Variants in GRK3 observed in about 807,000 individuals in gnomAD.
The protein encoded by GRK3 is G protein-coupled receptor kinase 3, also known as adrenergic, beta, receptor kinase 2.
GRK3 carries 54 observed loss-of-function variants against 95.7 expected under a neutral mutation model. The observed-to-expected ratio is 0.56, with a 90% CI of 0.45 to 0.71. GRK3 has a LOEUF of 0.71. GRK3 is among the 30% of genes least tolerant of loss of function. The pLI is 0.00. For synonymous variants in GRK3, 281 were observed against 290.8 expected (o/e 0.97, Z 0.34); for missense variants, 649 against 851.2 (o/e 0.76, Z 2.96).
intron 6 of GRK3, among the ~76,000 whole-genome samples, chr22:25,671,301 C>T (rs1316237099): frequency 6.6e-6 from 1 of 152,236 alleles, no homozygotes; most frequent in Non-Finnish European, 1.5e-5. Context: ...GATGGCGCCA[C>T]TGCACTTCAG....
intron 2 of GRK3, among the ~76,000 whole-genome samples, chr22:25,639,723 G>A (rs1036810659): frequency 2.0e-5 from 3 of 152,094 alleles, no homozygotes; most frequent in Non-Finnish European, 4.4e-5. Context: ...AGTTATGATT[G>A]TAATTGCACT....
chr22:25,610,796 G>T (rs984180177), intron 2 of GRK3, among the ~76,000 whole-genome samples: 1 of 152,178 alleles, frequency 6.6e-6, no homozygotes. Flanking sequence ...ATGTCGTTGT[G>T]TGTATCTGTA....
At chr22:25,589,365 C>T (rs1383794231) in intron 1 of GRK3, among the ~76,000 whole-genome samples, 1 of 152,150 alleles carries the variant, frequency 6.6e-6, no homozygotes. Context: ...TATCTGGTGT[C>T]TGGTCTTTCA....
At position 25,727,249 on chromosome 22, in the gene GRK3, T is replaced by C. The variant is rs1338330569; in HGVS notation, c.*4799T>C. On this transcript the variant is annotated 3_prime_UTR_variant, in exon 21 of 21. Transcript: ENST00000324198. ...CCTATGTAAAGTTTACTGGAGAGACTTGAATTACTTAAATTCATGTTAATA... is the reference window on the plus strand; with the variant it reads ...CCTATGTAAAGTTTACTGGAGAGACCTGAATTACTTAAATTCATGTTAATA... The C allele has an allele frequency of 6.6e-6, 1 of 152,226 alleles. No homozygotes were observed. The highest frequency in any genetic ancestry group is 2.4e-5 in the African/African-American group (1 of 41,460). 9.4% of individuals were successfully genotyped at this position (152,226 alleles called of 1,614,324 possible).
chr22:25,666,696 G>A (rs1337960170), intron 5 of GRK3, among the ~76,000 whole-genome samples: 1 of 152,002 alleles, frequency 6.6e-6, no homozygotes, highest in Admixed American at 6.6e-5. Flanking sequence ...TGTGGCTTCT[G>A]CAGACTTCCT....
intron 1 of GRK3, among the ~76,000 whole-genome samples, chr22:25,578,676 G>A (rs1216557908): frequency 6.6e-6 from 1 of 152,106 alleles, no homozygotes; most frequent in African/African-American, 2.4e-5. Flanking sequence ...CTGGCCTTTT[G>A]AGGAAGGAGG....
At chr22:25,671,402 G>T (rs984434727) in intron 6 of GRK3, among the ~76,000 whole-genome samples, 36 of 152,146 alleles carry the variant, frequency 2.4e-4, no homozygotes, top group African/African-American at 8.7e-4. Flanking sequence ...AATAAAAAAC[G>T]TAATCAAAAT....
chr22:25,577,697 A>C (rs7288085), intron 1 of GRK3, among the ~76,000 whole-genome samples: 1 of 152,214 alleles, frequency 6.6e-6, no homozygotes, highest in African/African-American at 2.4e-5. Context: ...CGTCAGCAGT[A>C]TATAGATCTG....
At chr22:25,667,935 CT>C in intron 6 of GRK3, 135 bp downstream of exon 6, 2 of 588,206 alleles carry the variant, frequency 3.4e-6, no homozygotes, top group Non-Finnish European at 6.1e-6. Context: ...ATGTGCCAGG[CT>C]TTGTGTTAAA....
intron 15 of GRK3, among the ~76,000 whole-genome samples, chr22:25,704,681 G>A (rs959913182): frequency 1.3e-5 from 2 of 152,234 alleles, no homozygotes; most frequent in Admixed American, 6.5e-5. Flanking sequence ...AAAGTGCTGG[G>A]ATTATAGGCG....
At chr22:25,689,010 A>T (rs2085144186) in intron 11 of GRK3, among the ~76,000 whole-genome samples, 1 of 152,148 alleles carries the variant, frequency 6.6e-6, no homozygotes, top group South Asian at 2.1e-4. Context: ...GGGAGCTGAG[A>T]TGCTGTGATT....
At chr22:25,596,764 G>A (rs932611586) in intron 1 of GRK3, among the ~76,000 whole-genome samples, 1 of 152,166 alleles carries the variant, frequency 6.6e-6, no homozygotes, top group African/African-American at 2.4e-5. Flanking sequence ...CATGGCTCAA[G>A]TGCTGGACTT....
At chr22:25,679,438 A>G (rs963209870) in intron 9 of GRK3, among the ~76,000 whole-genome samples, 1 of 152,130 alleles carries the variant, frequency 6.6e-6, no homozygotes, top group Non-Finnish European at 1.5e-5. Context: ...TTCTAGCACC[A>G]TATTTCTACT....
chr22:25,576,165 G>C (rs545776363), intron 1 of GRK3, among the ~76,000 whole-genome samples: 3 of 151,876 alleles, frequency 2.0e-5, no homozygotes, highest in Non-Finnish European at 4.4e-5. Context: ...CGTGCCCAGC[G>C]TCTGTGTGGC....
At chr22:25,598,977 T>TG (rs2084390214) in intron 1 of GRK3, among the ~76,000 whole-genome samples, 1 of 152,102 alleles carries the variant, frequency 6.6e-6, no homozygotes. Context: ...AACAAAATGA[T>TG]GCTAGAAAAA....
chr22:25,665,058 G>A (rs2084932985), intron 5 of GRK3, among the ~76,000 whole-genome samples: 1 of 152,122 alleles, frequency 6.6e-6, no homozygotes, highest in Non-Finnish European at 1.5e-5. Flanking sequence ...CGTAGCTGGA[G>A]GACCTTGGGT....
intron 2 of GRK3, among the ~76,000 whole-genome samples, chr22:25,613,746 A>G (rs1569164295): frequency 6.6e-6 from 1 of 152,236 alleles, no homozygotes; most frequent in Non-Finnish European, 1.5e-5. Context: ...TCTGGGCATC[A>G]GCTCCTGGTG....
At chr22:25,703,738 A>G (rs572688592) in intron 14 of GRK3, among the ~76,000 whole-genome samples, 162 bp downstream of exon 14, 2 of 152,358 alleles carry the variant, frequency 1.3e-5, no homozygotes, top group South Asian at 4.1e-4. Context: ...TGCAGATACA[A>G]TTTCTAAAAG....
chr22:25,675,229 AAG>A (rs1428173441), intron 8 of GRK3, among the ~76,000 whole-genome samples: 16 of 127,906 alleles, frequency 1.3e-4, no homozygotes, highest in African/African-American at 5.1e-4. Context: ...ACCGACGATG[AAG>A]TGAAGCATAA....
Sources: allele counts gnomAD v4.1 joint callset (sites outside exome capture counted in the v4.1 genomes callset), GRCh38; gene constraint gnomAD v4.1.1; transcripts MANE v1.5; gene names NCBI Gene and HGNC (gene_info 2026-07-23, HGNC 2026-07-21).